Variants in TAF4B observed in about 807,000 individuals in gnomAD.
TAF4B encodes TATA-box binding protein associated factor 4b, also known as transcription initiation factor TFIID subunit 4B.
In TAF4B, 38 loss-of-function variants were observed where a neutral mutation model predicts 86.4. The ratio of observed to expected loss-of-function variants is 0.44; its 90% CI spans 0.34 to 0.58. The LOEUF is 0.58. Ranked by LOEUF, TAF4B falls within the 20% of genes least tolerant of loss-of-function variation. The pLI, the probability that TAF4B is intolerant of heterozygous loss-of-function variation, is 0.02. For missense variants in TAF4B, 988 were observed against 1,027.6 expected, an observed-to-expected ratio of 0.96 and a Z score of 0.53; for synonymous variants, 388 against 391.2, an observed-to-expected ratio of 0.99 and a Z score of 0.10.
At chr18:26,343,054 T>C (rs1472744565) in intron 13 of TAF4B, among the ~76,000 whole-genome samples, 2 of 152,210 alleles carry the variant, frequency 1.3e-5, no homozygotes, top group Non-Finnish European at 2.9e-5. Flanking sequence ...GAGCAGCTAT[T>C]TGAGGACATT....
chr18:26,270,413 G>C (rs1414718249), intron 3 of TAF4B, among the ~76,000 whole-genome samples: 1 of 152,184 alleles, frequency 6.6e-6, no homozygotes, highest in Non-Finnish European at 1.5e-5. Context: ...GAACATGAAA[G>C]CTTGTGTTCA....
chr18:26,228,427 G>A (rs1268241057), intron 1 of TAF4B, among the ~76,000 whole-genome samples: 1 of 152,158 alleles, frequency 6.6e-6, no homozygotes, highest in Admixed American at 6.5e-5. Context: ...GGTATACAAG[G>A]TATGTAAAAT....
At chr18:26,302,779 A>G (rs1568139733) in intron 9 of TAF4B, among the ~76,000 whole-genome samples, 1 of 152,136 alleles carries the variant, frequency 6.6e-6, no homozygotes, top group African/African-American at 2.4e-5. Context: ...TTGTTCTAGC[A>G]GCATTATTGA....
At chr18:26,292,943 TAAGGA>T (rs77462882) in intron 8 of TAF4B, among the ~76,000 whole-genome samples, 53,637 of 151,632 alleles carry the variant, frequency 0.35, 11,476 homozygotes, top group East Asian at 0.8. Context: ...TATTAGTAAA[TAAGGA>T]CTTATTTAAC....
rs75617322 is a variant in TAF4B at position 26,288,710 on chromosome 18, A to C, written c.1590+2211A>C. On this transcript the variant is annotated intron_variant, in intron 7 of 14. Transcript: ENST00000269142. ...AGACTAGAACCCAGATGACTTTTCC[A>C]TTAGGGTATGGTGCTCTTAGAAAGA... 1.1e-3 allele frequency among the ~76,000 whole-genome samples: 170 copies of C among 152,260 alleles called. 3 individuals carry two copies. In the East Asian group the frequency reaches 0.032, roughly 28 times the overall value.
At chr18:26,298,353 C>T (rs1170483499) in intron 9 of TAF4B, among the ~76,000 whole-genome samples, 2 of 151,932 alleles carry the variant, frequency 1.3e-5, no homozygotes, top group East Asian at 3.9e-4. Flanking sequence ...CTCAGCCTCC[C>T]GGGTAGCTGG....
intron 1 of TAF4B, among the ~76,000 whole-genome samples, chr18:26,234,428 G>A (rs1205673941): frequency 6.6e-6 from 1 of 152,222 alleles, no homozygotes; most frequent in Non-Finnish European, 1.5e-5. Flanking sequence ...TGCAGCATGG[G>A]CATGTAGGAT....
At chr18:26,350,508 A>G (rs759603227) in intron 13 of TAF4B, among the ~76,000 whole-genome samples, 15 of 152,092 alleles carry the variant, frequency 9.9e-5, no homozygotes, top group Admixed American at 2.6e-4. Context: ...CGTCTCTACA[A>G]AAAATTTAAA....
intron 14 of TAF4B, among the ~76,000 whole-genome samples, chr18:26,359,512 A>G (rs971340761): frequency 1.3e-5 from 2 of 152,204 alleles, no homozygotes; most frequent in African/African-American, 4.8e-5. Flanking sequence ...TGTAAATTAT[A>G]TAGCATAGTA....
At chr18:26,299,256 C>A in intron 9 of TAF4B, among the ~76,000 whole-genome samples, 1 of 152,170 alleles carries the variant, frequency 6.6e-6, no homozygotes, top group South Asian at 2.1e-4. Context: ...GTATAGTCTT[C>A]CTATTGCCTG....
chr18:26,234,414 G>T (rs893715745), intron 1 of TAF4B, among the ~76,000 whole-genome samples: 1 of 152,156 alleles, frequency 6.6e-6, no homozygotes, highest in Non-Finnish European at 1.5e-5. Context: ...CTTTCTTTCC[G>T]TATTGCAGCA....
At chr18:26,288,927 C>A (rs1179873495) in intron 7 of TAF4B, among the ~76,000 whole-genome samples, 2 of 151,790 alleles carry the variant, frequency 1.3e-5, no homozygotes, top group Admixed American at 6.6e-5. Context: ...TTTCATTTTC[C>A]CTGTGAATTC....
chr18:26,266,902 A>G (rs1370287030), intron 2 of TAF4B: 3 of 152,162 alleles, frequency 2.0e-5, no homozygotes, highest in African/African-American at 7.2e-5. Flanking sequence ...ATATATGTAT[A>G]TTTTTTAATG....
In TAF4B at chr18:26,255,892, GTGTTC is replaced by G. The variant is rs535301775; in HGVS notation, c.344-9273_344-9269del. The stretch of plus-strand genomic sequence containing the variant: ...GTGAGATCTAAAAAGGAAACAACTG[GTGTTC>G]TGTTAGAACCAGAAGCCATCTCTGT... On this transcript the variant is annotated intron_variant, in intron 1 of 14. Transcript: ENST00000269142. The G allele has an allele frequency of 9.9e-5, 123 of 1,244,000 alleles. No homozygotes were observed. In the African/African-American group the frequency reaches 1.8e-3, roughly 18 times the overall value. 77.1% of individuals were successfully genotyped at this position (1,244,000 alleles called of 1,614,324 possible).
intron 7 of TAF4B, among the ~76,000 whole-genome samples, chr18:26,291,058 A>G (rs1265187332): frequency 6.6e-6 from 1 of 152,226 alleles, no homozygotes; most frequent in Non-Finnish European, 1.5e-5. Context: ...TAGTTGCTAT[A>G]GGATTACTTA....
intron 14 of TAF4B, among the ~76,000 whole-genome samples, chr18:26,371,431 T>G (rs911748292): frequency 6.6e-6 from 1 of 152,212 alleles, no homozygotes; most frequent in Non-Finnish European, 1.5e-5. Context: ...GGCTATTTAC[T>G]TTAAATTAGT....
chr18:26,363,039 A>G (rs952204924), intron 14 of TAF4B, among the ~76,000 whole-genome samples: 4 of 152,172 alleles, frequency 2.6e-5, no homozygotes, highest in African/African-American at 9.7e-5. Flanking sequence ...TGCAAATACT[A>G]TGCCATTTTA....
chr18:26,346,907 G>GTGTATACATATATATATATATATA (rs1171773933), intron 13 of TAF4B, among the ~76,000 whole-genome samples: 2 of 11,220 alleles, frequency 1.8e-4, no homozygotes, highest in Non-Finnish European at 5.1e-4. Context: ...ATATGTGTGT[G>GTGTATACATATATATATATATATA]TATATATATA....
At chr18:26,384,141 T>A (rs1316345630) in intron 14 of TAF4B, among the ~76,000 whole-genome samples, 1 of 152,222 alleles carries the variant, frequency 6.6e-6, no homozygotes, top group African/African-American at 2.4e-5. Context: ...AGACTTGAGC[T>A]ATCCCTTAAG....
Sources: allele counts gnomAD v4.1 joint callset (sites outside exome capture counted in the v4.1 genomes callset), GRCh38; gene constraint gnomAD v4.1.1; transcripts MANE v1.5; gene names NCBI Gene and HGNC (gene_info 2026-07-23, HGNC 2026-07-21).